The following NPC1L1 variants were observed in gnomAD, a reference collection of about 807,000 sequenced individuals.
NPC1L1 encodes NPC1-like intracellular cholesterol transporter 1.
Under a neutral mutation model 117.0 loss-of-function variants are expected in NPC1L1, and 98 were observed. That is an observed-to-expected ratio of 0.84 (90% CI 0.71 to 0.99). The LOEUF (loss-of-function observed/expected upper bound fraction) is 0.99. NPC1L1 is among the 50% of genes least tolerant of loss of function. NPC1L1 has a pLI of 0.00. For missense variants in NPC1L1, 1,540 were observed against 1,710.0 expected (o/e 0.90, Z 1.75); for synonymous variants, 729 against 727.6 (o/e 1.00, Z -0.03).
At chr7:44,516,264 C>A in intron 16 of NPC1L1, 67 bp from the exon 17 acceptor site, 1 of 1,359,018 alleles carries the variant, frequency 7.4e-7, no homozygotes. Context: ...GAGATGAGGC[C>A]TCCACCAGGA....
intron 14 of NPC1L1, among the ~76,000 whole-genome samples, chr7:44,517,751 C>T (rs1005391605): frequency 2.0e-5 from 3 of 152,122 alleles, no homozygotes; most frequent in African/African-American, 7.2e-5. Flanking sequence ...AAAATGAGAA[C>T]GGTTGGATTA....
chr7:44,516,761 C>G lies in NPC1L1; in HGVS notation c.3461G>C (p.Gly1154Ala). 6.2e-7 allele frequency: 1 copy of G among 1,613,714 alleles called. No homozygotes were observed. Among genetic ancestry groups the G allele is most frequent in the Non-Finnish European group, 8.5e-7 (1 of 1,179,886 alleles). ...SIVMILVDTV[G>A]FMALWGISYN... ...ACTGATGCCCCACAGGGCCATGAAG[C>G]CGACAGTGTCCACGAGGATCATGAC... Residue 1154 changes from glycine to alanine, a missense_variant, in exon 16 of 19, where the codon GGC becomes GCC. Physicochemically the swap from Gly to Ala is moderately conservative, Grantham distance 60. Transcript: ENST00000381160.
chr7:44,535,813 C>T, intron 5 of NPC1L1, 27 bp downstream of exon 5: 1 of 1,612,206 alleles, frequency 6.2e-7, no homozygotes, highest in East Asian at 2.2e-5. Context: ...GGCTAGCCCA[C>T]TTAGCTGTGT....
intron 14 of NPC1L1, among the ~76,000 whole-genome samples, chr7:44,519,144 T>C (rs539460523): frequency 1.3e-5 from 2 of 152,174 alleles, no homozygotes; most frequent in African/African-American, 4.8e-5. Flanking sequence ...TCCTCCCACC[T>C]TGGCCTCCCA....
Position 44,522,091 on chromosome 7 carries a change from A to G in NPC1L1, c.2789T>C (p.Phe930Ser). Residue 930 changes from phenylalanine (F) to serine (S), a missense_variant, in exon 11 of 19, where the codon TTC becomes TCC. By Grantham distance (155) the Phe-to-Ser change is radical (BLOSUM62 -2). Coordinates refer to ENST00000381160, the MANE Select transcript of NPC1L1 (RefSeq NM_001101648.2). ...CSSAGCNNFSFTQKIQYATEF... is the reference protein window; with the variant it reads ...CSSAGCNNFSSTQKIQYATEF... ...TGTGGCATACTGGATCTTCTGGGTG[A>G]AGGAGAAGTTGTTGCAGCCTGCACT... is the stretch of plus-strand genomic sequence containing the variant. 1 of 1,613,952 alleles carries G rather than the reference A, an allele frequency of 6.2e-7. No homozygotes were observed. The highest frequency in any genetic ancestry group is 2.2e-5 in the East Asian group (1 of 44,880).
chr7:44,520,295 G>A (rs550330454), intron 14 of NPC1L1, among the ~76,000 whole-genome samples: 2 of 152,034 alleles, frequency 1.3e-5, no homozygotes, highest in South Asian at 2.1e-4. Context: ...AAAAAAAAGA[G>A]GGTCTCCCTA....
At chr7:44,525,415 G>A (rs2117042261) in intron 10 of NPC1L1, among the ~76,000 whole-genome samples, 1 of 152,218 alleles carries the variant, frequency 6.6e-6, no homozygotes, top group East Asian at 1.9e-4. Context: ...GCACAACCAT[G>A]CCCAGCTAAT....
chr7:44,533,511 C>G lies in NPC1L1; in HGVS notation c.2329G>C (p.Gly777Arg), dbSNP rs1411392866. ...PAVRTFALTS[G>R]LAVILDFLLQ... is the part of the protein sequence containing the mutation. ...AGGAAGTCAAGGATCACTGCAAGGC[C>G]AGAGGTCAGGGCAAAGGTCCGCACA... Residue 777 changes from glycine to arginine, a missense_variant, in exon 8 of 19, where the codon GGC (glycine) becomes CGC (arginine). Gly to Arg is a moderately radical substitution (Grantham distance 125, BLOSUM62 -2). Around this residue, in one of 3 missense-constraint regions of NPC1L1, gnomAD observed 742 missense variants for 873.6 expected, o/e 0.85. Coordinates refer to ENST00000381160, the MANE Select transcript of NPC1L1 (RefSeq NM_001101648.2). 4 of 1,614,110 alleles carry G rather than the reference C, an allele frequency of 2.5e-6. No homozygotes were observed. The Admixed American group carries it at 6.7e-5, about 27-fold the overall frequency.
In NPC1L1 at chr7:44,539,810, A is replaced by G. The variant is rs747306595; in HGVS notation, c.587T>C (p.Leu196Pro). 6 of 1,614,146 alleles carry G rather than the reference A, an allele frequency of 3.7e-6. No homozygotes were observed. The Admixed American group carries it at 1.0e-4, about 27-fold the overall frequency. ...GTTGAGCCAGCGCTGGGCATTGCAA[A>G]GGGCAGAGCCATACACGCCACACAT... ...GTMCGVYGSA[L>P]CNAQRWLNFQ... The change falls in exon 2 of 19, where the codon CTT becomes CCT. Residue 196 changes from leucine (L) to proline (P), a missense_variant. Physicochemically the swap from Leu to Pro is moderately conservative, Grantham distance 98. Around this residue, in one of 3 missense-constraint regions of NPC1L1, gnomAD observed 793 missense variants for 820.4 expected, o/e 0.97. Transcript: ENST00000381160. The surrounding 1 kb of genome is among the most constrained non-coding windows in gnomAD (Gnocchi z 4.4).
In NPC1L1 at chr7:44,525,009, G is replaced by C. The variant is rs572640757; in HGVS notation, c.2638-2767C>G. Among the ~76,000 whole-genome samples, 6 of 152,050 alleles carry C rather than the reference G, an allele frequency of 3.9e-5. No individual in the cohort carries two copies. In the South Asian group the frequency reaches 1.2e-3, roughly 32 times the overall value. On this transcript the variant is annotated intron_variant, in intron 10 of 18. Transcript: ENST00000381160. ...GACCATTGAAATTACTGAGTCTGAA[G>C]AAGAGAAAGGAAAAAAAATAACGAA... is the stretch of plus-strand genomic sequence containing the variant.
Position 44,513,389 on chromosome 7 carries a change from A to G in NPC1L1, c.*58T>C. 6.6e-7 allele frequency: 1 copy of G among 1,525,106 alleles called. No individual in the cohort carries two copies. The allele number at this position is 1,525,106 out of a possible 1,614,324, so 94.5% of individuals were successfully genotyped here. On this transcript the variant is annotated 3_prime_UTR_variant, in exon 19 of 19. Transcript: ENST00000381160. ...GTGTGTCAAGGGGCAGTCACAAGGAAGATCCCCATAACCCTTTGGTTCAGG... is the reference window on the plus strand; with the variant it reads ...GTGTGTCAAGGGGCAGTCACAAGGAGGATCCCCATAACCCTTTGGTTCAGG...
At chr7:44,516,644 A>C in intron 16 of NPC1L1, 59 bp downstream of exon 16, 1 of 1,327,886 alleles carries the variant, frequency 7.5e-7, no homozygotes, top group Admixed American at 1.9e-5. Context: ...GTATTCTATG[A>C]GGCTGGATCC....
chr7:44,523,277 A>G (rs992941892), intron 10 of NPC1L1, among the ~76,000 whole-genome samples: 5 of 152,056 alleles, frequency 3.3e-5, no homozygotes, highest in African/African-American at 1.2e-4. Context: ...GCTTGTCTCA[A>G]ACTCCTGACC....
At position 44,536,779 on chromosome 7, in the gene NPC1L1, T is replaced by G; in HGVS notation, c.1681+63A>C. On this transcript the variant is annotated intron_variant, in intron 3 of 18. Coordinates refer to ENST00000381160, the MANE Select transcript of NPC1L1 (RefSeq NM_001101648.2). This position sits in a 1 kb window ranked among gnomAD's most constrained non-coding sequence, Gnocchi z 4.7. ...CCCCAGCACCACTCCCACCCTCCCGTCTATGGTTCCTGCCCCAATACTGCA... is the reference window on the plus strand; with the variant it reads ...CCCCAGCACCACTCCCACCCTCCCGGCTATGGTTCCTGCCCCAATACTGCA... The G allele has an allele frequency of 1.0e-4, 143 of 1,376,808 alleles. No individual in the cohort carries two copies. Among genetic ancestry groups the G allele is most frequent in the Middle Eastern group, 3.5e-4 (2 of 5,658 alleles). The allele number at this position is 1,376,808 out of a possible 1,614,324, so 85.3% of individuals were successfully genotyped here. A position where few individuals can be genotyped will look rare whatever the true frequency, so the allele number is the denominator to read the frequency against.
In NPC1L1 at chr7:44,539,196, A is replaced by C; in HGVS notation, c.1201T>G (p.Phe401Val). The C allele has an allele frequency of 6.2e-7, 1 of 1,614,110 alleles. No homozygotes were observed. Among genetic ancestry groups the C allele is most frequent in the Non-Finnish European group, 8.5e-7 (1 of 1,180,018 alleles). The change falls in exon 2 of 19, where the codon TTC (phenylalanine) becomes GTC (valine). Residue 401 changes from phenylalanine to valine, a missense_variant. By Grantham distance (50) the Phe-to-Val change is conservative. Around this residue, in one of 3 missense-constraint regions of NPC1L1, gnomAD observed 793 missense variants for 820.4 expected, o/e 0.97. Transcript: ENST00000381160. The surrounding 1 kb of genome is among the most constrained non-coding windows in gnomAD (Gnocchi z 4.4). ...RSEKAFHDQHFGPFFRTNQVI... is the reference protein window; with the variant it reads ...RSEKAFHDQHVGPFFRTNQVI... ...TGGTTGGTTCGGAAGAAGGGGCCGA[A>C]ATGCTGGTCATGGAAAGCTTTCTCA...
chr7:44,539,565 G>A lies in NPC1L1; in HGVS notation c.832C>T (p.Leu278=). 1 of 1,614,142 alleles carries A rather than the reference G, an allele frequency of 6.2e-7. No homozygotes were observed. Among genetic ancestry groups the A allele is most frequent in the Non-Finnish European group, 8.5e-7 (1 of 1,180,038 alleles). ...ACCAGACTGCCCGGCATCTGGCCCA[G>A]GTAGAAGGTGGAGTCGAGGGCCTGG... ...RPQALDSTFY[L]GQMPGSLVLI... The change falls in exon 2 of 19, where the codon CTG becomes TTG. Residue 278 remains leucine (L), a synonymous_variant. Coordinates refer to ENST00000381160, the MANE Select transcript of NPC1L1 (RefSeq NM_001101648.2). This position sits in a 1 kb window ranked among gnomAD's most constrained non-coding sequence, Gnocchi z 4.4.
At position 44,539,426 on chromosome 7, in the gene NPC1L1, C is replaced by T; in HGVS notation, c.971G>A (p.Ser324Asn). 1.2e-6 allele frequency: 2 copies of T among 1,614,072 alleles called. No homozygotes were observed. Among genetic ancestry groups the T allele is most frequent in the Non-Finnish European group, 1.7e-6 (2 of 1,179,988 alleles). ...SKMVDPKKGT[S>N]LSDKLSFSTH... is the part of the protein sequence containing the mutation. ...GGAGAAGCTGAGCTTGTCAGAGAGG[C>T]TGGTGCCCTTCTTGGGGTCCACCAT... The change falls in exon 2 of 19, where the codon AGC (serine) becomes AAC (asparagine). Residue 324 changes from serine (S) to asparagine (N), a missense_variant. Physicochemically the swap from Ser to Asn is conservative, Grantham distance 46. This residue lies in a region of NPC1L1 where 793 missense variants were observed against 820.4 expected (regional missense o/e 0.97). Coordinates refer to ENST00000381160, the MANE Select transcript of NPC1L1 (RefSeq NM_001101648.2). The surrounding 1 kb of genome is among the most constrained non-coding windows in gnomAD (Gnocchi z 4.4).
Position 44,539,020 on chromosome 7 carries a change from G to A in NPC1L1, c.1377C>T (p.Pro459=), listed in dbSNP as rs147433374. 136 of 1,614,090 alleles carry A rather than the reference G, an allele frequency of 8.4e-5. No individual in the cohort carries two copies. The East Asian group carries it at 2.6e-3, about 30-fold the overall frequency. ...GCAGGGAGATGTTGCGCTGTGCTTC[G>A]GGCGACCATACCTGGAGGTGCCGCA... ...ERLRHLQVWS[P]EAQRNISLQD... The change falls in exon 2 of 19, where the codon CCC becomes CCT. Residue 459 remains proline (P), a synonymous_variant. Transcript: ENST00000381160. The surrounding 1 kb of genome is among the most constrained non-coding windows in gnomAD (Gnocchi z 4.4).
chr7:44,524,849 T>G (rs1305463254), intron 10 of NPC1L1, among the ~76,000 whole-genome samples: 1 of 151,678 alleles, frequency 6.6e-6, no homozygotes, highest in Non-Finnish European at 1.5e-5. Context: ...ATGAACAAAA[T>G]GGAAATATCA....
Sources: gnomAD v4.1 joint callset for allele counts (sites outside exome capture counted in the v4.1 genomes callset) on GRCh38, gnomAD v4.1.1 for gene constraint, gnomAD v4.1.1 regional missense constraint, Gnocchi (gnomAD v3.1) non-coding constraint, MANE v1.5 for transcripts, NCBI Gene and HGNC (gene_info 2026-07-23, HGNC 2026-07-21) for gene names.